TRAPPC3L: variants seen among roughly 807,000 people sequenced by gnomAD.
TRAPPC3L encodes trafficking protein particle complex subunit 3-like protein.
A neutral mutation model predicts 23.7 loss-of-function variants in TRAPPC3L; 23 were observed. The observed-to-expected ratio is 0.97, with a 90% confidence interval of 0.70 to 1.37. The LOEUF (loss-of-function observed/expected upper bound fraction) is 1.37, where lower values mean the gene tolerates loss of function less well. Among genes scored for constraint, TRAPPC3L ranks in the 40% most tolerant of loss-of-function variants. The pLI, the probability that TRAPPC3L is intolerant of heterozygous loss-of-function variation, is 0.00. For missense variants in TRAPPC3L, 212 were observed against 216.8 expected (o/e 0.98, Z 0.14); for synonymous variants, 81 against 77.9 (o/e 1.04, Z -0.21).
intron 3 of TRAPPC3L, chr6:116,517,241 A>G (rs1375759167): frequency 6.6e-6 from 1 of 152,120 alleles, no homozygotes; most frequent in Non-Finnish European, 1.5e-5. Flanking sequence ...AAACATTCAG[A>G]CTATAGTAGG....
In TRAPPC3L at chr6:116,511,712, G is replaced by C. The variant is rs765665152; in HGVS notation, c.241-11046C>G. Reference sequence around the variant, plus strand: ...CATCTCCAACATGGATGCTTTTCAGGGCATTTTAAAATTCTTCCTTAATCA... The same window carrying C: ...CATCTCCAACATGGATGCTTTTCAGCGCATTTTAAAATTCTTCCTTAATCA... On this transcript the variant is annotated intron_variant, in intron 3 of 4. Transcript: ENST00000368602. 22 of 1,613,378 alleles carry C rather than the reference G, an allele frequency of 1.4e-5. No homozygotes were observed. Among genetic ancestry groups the C allele is most frequent in the Non-Finnish European group, 4.2e-6 (5 of 1,179,832 alleles).
chr6:116,530,832 A>C (rs902630243), intron 3 of TRAPPC3L, among the ~76,000 whole-genome samples: 3 of 150,176 alleles, frequency 2.0e-5, no homozygotes, highest in Non-Finnish European at 1.5e-5. Flanking sequence ...GCTCTGAAAC[A>C]AAGAAAAACA....
Position 116,545,465 on chromosome 6 carries a change from G to T in TRAPPC3L, c.42+8C>A. The stretch of plus-strand genomic sequence containing the variant: ...AGTAGAAAAAATCTCTTTGTAGAAA[G>T]ATCTTACTATTTTATGGTATTCTGG... On this transcript the variant is annotated splice_region_variant and intron_variant, in intron 1 of 4. Transcript: ENST00000368602. 6.5e-7 allele frequency: 1 copy of T among 1,542,470 alleles called. No individual in the cohort carries two copies. Among genetic ancestry groups the T allele is most frequent in the Non-Finnish European group, 8.8e-7 (1 of 1,141,970 alleles).
intron 3 of TRAPPC3L, chr6:116,511,932 G>T: frequency 2.5e-6 from 4 of 1,613,934 alleles, no homozygotes; most frequent in Non-Finnish European, 3.4e-6. Context: ...CTCTTCACAG[G>T]CTGCTGTGTG....
chr6:116,544,002 C>A (rs1773618181), intron 1 of TRAPPC3L: 1 of 783,780 alleles, frequency 1.3e-6, no homozygotes, highest in Admixed American at 3.0e-5. Context: ...TTAGGTTTGG[C>A]TTAGGGTTTT....
intron 1 of TRAPPC3L, among the ~76,000 whole-genome samples, chr6:116,545,252 T>C (rs986657910): frequency 3.3e-5 from 5 of 151,996 alleles, no homozygotes; most frequent in African/African-American, 1.2e-4. Flanking sequence ...ATATAATTAG[T>C]CAGAAAAGAA....
At chr6:116,534,019 A>G (rs1337474120) in intron 3 of TRAPPC3L, among the ~76,000 whole-genome samples, 1 of 152,140 alleles carries the variant, frequency 6.6e-6, no homozygotes, top group Non-Finnish European at 1.5e-5. Context: ...CCCCAACAAG[A>G]TTTGAATCCC....
intron 3 of TRAPPC3L, chr6:116,522,026 TA>T (rs1440234919): frequency 6.7e-6 from 1 of 149,786 alleles, no homozygotes; most frequent in Non-Finnish European, 1.5e-5. Flanking sequence ...GAGAGAGAGA[TA>T]AAAAGAGAGA....
intron 3 of TRAPPC3L, among the ~76,000 whole-genome samples, chr6:116,530,639 C>T (rs1023867745): frequency 1.3e-5 from 2 of 152,104 alleles, no homozygotes. Flanking sequence ...AAAATATTTA[C>T]TTTGCATTAA....
intron 3 of TRAPPC3L, among the ~76,000 whole-genome samples, chr6:116,505,753 A>G (rs571802850): frequency 1.5e-3 from 235 of 152,358 alleles, no homozygotes; most frequent in African/African-American, 5.5e-3. Context: ...AACCTGACAA[A>G]AACAAGAAAT....
At chr6:116,545,203 T>C (rs898138020) in intron 1 of TRAPPC3L, among the ~76,000 whole-genome samples, 9 of 151,886 alleles carry the variant, frequency 5.9e-5, no homozygotes, top group Non-Finnish European at 1.2e-4. Flanking sequence ...AATATTTTCA[T>C]ATTTTCTGTC....
chr6:116,506,100 A>G (rs1227088335), intron 3 of TRAPPC3L, among the ~76,000 whole-genome samples: 1 of 152,230 alleles, frequency 6.6e-6, no homozygotes, highest in Admixed American at 6.5e-5. Flanking sequence ...GAATGGGAGA[A>G]AATTTTTGCA....
chr6:116,501,164 CA>C (rs1485793601), intron 3 of TRAPPC3L, among the ~76,000 whole-genome samples: 2 of 152,246 alleles, frequency 1.3e-5, no homozygotes, highest in Non-Finnish European at 2.9e-5. Context: ...ACAGTCTTCG[CA>C]TCTGCAGGAA....
chr6:116,497,760 A>T (rs555481257), intron 4 of TRAPPC3L, among the ~76,000 whole-genome samples: 4 of 152,138 alleles, frequency 2.6e-5, no homozygotes, highest in Non-Finnish European at 5.9e-5. Flanking sequence ...TACCCCCAAT[A>T]GTGTATTTGT....
rs1257119072 is a variant in TRAPPC3L at position 116,496,780 on chromosome 6, T to C, written c.*174A>G. The C allele has an allele frequency of 9.0e-6, 8 of 888,286 alleles. No homozygotes were observed. Among genetic ancestry groups the C allele is most frequent in the African/African-American group, 5.4e-5 (3 of 55,584 alleles). 55.0% of individuals were successfully genotyped at this position (888,286 alleles called of 1,614,324 possible). On this transcript the variant is annotated 3_prime_UTR_variant, in exon 5 of 5. Coordinates refer to ENST00000368602, the MANE Select transcript of TRAPPC3L (RefSeq NM_001139444.3). ...CATGAGATTGAAAATGCGTGATTTA[T>C]AAGCAAAAGGAAAAAAAAACCTTTA...
chr6:116,536,700 C>T (rs986457318), intron 3 of TRAPPC3L, among the ~76,000 whole-genome samples: 13 of 152,060 alleles, frequency 8.5e-5, no homozygotes, highest in African/African-American at 2.4e-4. Context: ...GTACTTGAGA[C>T]GGATGATGAT....
At chr6:116,532,256 C>G (rs1363840198) in intron 3 of TRAPPC3L, among the ~76,000 whole-genome samples, 2 of 152,118 alleles carry the variant, frequency 1.3e-5, no homozygotes, top group African/African-American at 2.4e-5. Flanking sequence ...TATTTTCTCT[C>G]TTTTTTGTCT....
At chr6:116,498,236 T>C (rs540511091) in intron 4 of TRAPPC3L, among the ~76,000 whole-genome samples, 1 of 152,332 alleles carries the variant, frequency 6.6e-6, no homozygotes, top group South Asian at 2.1e-4. Flanking sequence ...GTGGAAGACA[T>C]TCTTATCCTA....
chr6:116,500,074 T>C (rs1047533753), intron 4 of TRAPPC3L, among the ~76,000 whole-genome samples: 19 of 152,190 alleles, frequency 1.2e-4, no homozygotes, highest in African/African-American at 4.6e-4. Context: ...ATGTTGTGAT[T>C]AGATCTACAA....
Sources: gnomAD v4.1 joint callset for allele counts (sites outside exome capture counted in the v4.1 genomes callset) on GRCh38, gnomAD v4.1.1 for gene constraint, MANE v1.5 for transcripts, NCBI Gene and HGNC (gene_info 2026-07-23, HGNC 2026-07-21) for gene names.